MERTK: variants seen among roughly 807,000 people sequenced by gnomAD.
MERTK encodes the protein MER proto-oncogene, tyrosine kinase.
MERTK carries 69 observed loss-of-function variants against 99.3 expected under a neutral mutation model. The ratio of observed to expected loss-of-function variants is 0.70; its 90% confidence interval spans 0.57 to 0.85. The LOEUF is 0.85. Among genes scored for constraint, MERTK ranks in the 40% least tolerant of loss-of-function variants. The pLI is 0.00. For missense variants in MERTK, 1,125 were observed against 1,249.4 expected (o/e 0.90, Z 1.50); for synonymous variants, 426 against 467.6 (o/e 0.91, Z 1.15).
chr2:111,947,363 A>G (rs1684978574), intron 3 of MERTK, 31 bp from the exon 4 acceptor site: 1 of 1,612,738 alleles, frequency 6.2e-7, no homozygotes, highest in Non-Finnish European at 8.5e-7. Context: ...TCAGATCTGA[A>G]ACATTCTTTT....
At chr2:111,928,169 G>C (rs1364636138) in intron 1 of MERTK, among the ~76,000 whole-genome samples, 1 of 141,316 alleles carries the variant, frequency 7.1e-6, no homozygotes, top group African/African-American at 2.6e-5. Context: ...TTTTTTTGTT[G>C]TTAAGGCACA....
chr2:111,932,330 C>T (rs1252054481), intron 2 of MERTK, among the ~76,000 whole-genome samples: 9 of 152,072 alleles, frequency 5.9e-5, no homozygotes, highest in Admixed American at 1.3e-4. Context: ...TACAGGCACC[C>T]GCCACCATGC....
At position 111,948,042 on chromosome 2, in the gene MERTK, GA is replaced by G. The variant is rs1476482801; in HGVS notation, c.757+478del. 7.9e-5 allele frequency among the ~76,000 whole-genome samples: 12 copies of G among 152,182 alleles called. No homozygotes were observed. The South Asian group carries it at 2.3e-3, about 29-fold the overall frequency. On this transcript the variant is annotated intron_variant, in intron 4 of 18. Coordinates refer to ENST00000295408, the MANE Select transcript of MERTK (RefSeq NM_006343.3). ...TGGTCGTCTTGATTTCCATCCAAAT[GA>G]AAGTGGCCCAGTTTTAGTCCCGCAC... is the stretch of plus-strand genomic sequence containing the variant.
intron 1 of MERTK, among the ~76,000 whole-genome samples, chr2:111,904,268 A>T (rs1684096773): frequency 6.6e-6 from 1 of 152,186 alleles, no homozygotes; most frequent in Non-Finnish European, 1.5e-5. Flanking sequence ...GTTCCTGTTC[A>T]ACTTTTCCCA....
At chr2:112,008,555 G>T (rs766202825) in intron 14 of MERTK, 80 bp downstream of exon 14, 3 of 1,067,248 alleles carry the variant, frequency 2.8e-6, no homozygotes, top group Admixed American at 1.7e-5. Context: ...AATCTCTGGT[G>T]TAGATAAGTT....
intron 15 of MERTK, among the ~76,000 whole-genome samples, chr2:112,018,527 G>T (rs1260235271): frequency 6.6e-6 from 1 of 152,108 alleles, no homozygotes; most frequent in Non-Finnish European, 1.5e-5. Context: ...TTTCCAAAAT[G>T]AGTACCATTT....
chr2:111,994,549 C>A, intron 9 of MERTK, 145 bp downstream of exon 9: 1 of 1,210,022 alleles, frequency 8.3e-7, no homozygotes, highest in Non-Finnish European at 1.2e-6. Context: ...GAGGCAAAAG[C>A]AGGAGGAGTT....
intron 4 of MERTK, among the ~76,000 whole-genome samples, chr2:111,953,379 G>A (rs1685090820): frequency 6.6e-6 from 1 of 152,114 alleles, no homozygotes; most frequent in East Asian, 1.9e-4. Flanking sequence ...TTGGAAAGTG[G>A]GGCTGCTGAC....
intron 4 of MERTK, among the ~76,000 whole-genome samples, chr2:111,956,467 A>G (rs1442540995): frequency 1.1e-4 from 16 of 152,160 alleles, no homozygotes; most frequent in Non-Finnish European, 2.9e-5. Context: ...TACACATTTT[A>G]TATTTAAATC....
At chr2:111,947,004 G>A (rs1361986833) in intron 3 of MERTK, among the ~76,000 whole-genome samples, 3 of 152,344 alleles carry the variant, frequency 2.0e-5, no homozygotes, top group East Asian at 3.9e-4. Context: ...GCTGGGCGCG[G>A]TGGCACGCCT....
intron 1 of MERTK, among the ~76,000 whole-genome samples, chr2:111,923,096 A>G (rs1011761134): frequency 2.0e-5 from 3 of 152,216 alleles, no homozygotes; most frequent in Admixed American, 1.3e-4. Flanking sequence ...ACCCTTCAGG[A>G]CCTCTGCACG....
At chr2:112,003,441 G>T in intron 12 of MERTK, 1 of 369,136 alleles carries the variant, frequency 2.7e-6, no homozygotes, top group Non-Finnish European at 4.9e-6. Flanking sequence ...TCATTGAAAA[G>T]CATGTAATTC....
In MERTK at chr2:112,029,402, G is replaced by GCTCACCA; in HGVS notation, c.*538_*539insCTCACCA. On this transcript the variant is annotated 3_prime_UTR_variant, in exon 19 of 19. Transcript: ENST00000295408. Reference sequence around the variant, plus strand: ...GAACTTACTTGAGACTTGAAAGACAGTGGTCGGCAGCGGCCTTGTGGCCTT... The same window carrying GCTCACCA: ...GAACTTACTTGAGACTTGAAAGACAGCTCACCATGGTCGGCAGCGGCCTTGTGGCCTT... 1.1e-6 allele frequency: 1 copy of GCTCACCA among 904,746 alleles called. No individual in the cohort carries two copies. Among genetic ancestry groups the GCTCACCA allele is most frequent in the Non-Finnish European group, 1.3e-6 (1 of 756,388 alleles). 56.0% of individuals were successfully genotyped at this position (904,746 alleles called of 1,614,324 possible).
intron 8 of MERTK, among the ~76,000 whole-genome samples, chr2:111,985,173 G>A (rs2104743123): frequency 6.6e-6 from 1 of 152,310 alleles, no homozygotes; most frequent in Admixed American, 6.5e-5. Flanking sequence ...GACTTTGCTA[G>A]GCATGACTCC....
In MERTK at chr2:112,029,442, C is replaced by G. The variant is rs1344296159; in HGVS notation, c.*578C>G. The G allele has an allele frequency of 1.6e-6, 1 of 641,424 alleles. No homozygotes were observed. Among genetic ancestry groups the G allele is most frequent in the East Asian group, 1.4e-4 (1 of 7,320 alleles). The allele number at this position is 641,424 out of a possible 1,614,324, so 39.7% of individuals were successfully genotyped here. ...CTTGTGGCCTTTGCAAAGGAATTCCCTTAATGCCTGGTCCTTGGGGCAATT... is the reference window on the plus strand; with the variant it reads ...CTTGTGGCCTTTGCAAAGGAATTCCGTTAATGCCTGGTCCTTGGGGCAATT... On this transcript the variant is annotated 3_prime_UTR_variant, in exon 19 of 19. Transcript: ENST00000295408.
In MERTK at chr2:112,001,280, C is replaced by T. The variant is rs1338782600; in HGVS notation, c.1684C>T (p.Leu562Phe). Residue 562 changes from leucine to phenylalanine, a missense_variant, in exon 11 of 19, where the codon CTT becomes TTT. By Grantham distance (22) the Leu-to-Phe change is conservative. Coordinates refer to ENST00000295408, the MANE Select transcript of MERTK (RefSeq NM_006343.3). Reference protein sequence around the residue: ...KKSFCRRAIELTLHSLGVSEE... With the variant: ...KKSFCRRAIEFTLHSLGVSEE... ...ATCCTTCTGTCGGCGAGCCATTGAA[C>T]TTACCTGTAAGTTGACTTTCATTTC... The T allele has an allele frequency of 3.7e-6, 6 of 1,611,980 alleles. No homozygotes were observed. The highest frequency in any genetic ancestry group is 1.7e-4 in the Middle Eastern group (1 of 6,056).
chr2:111,915,186 C>G (rs1228892731), intron 1 of MERTK, among the ~76,000 whole-genome samples: 8 of 152,142 alleles, frequency 5.3e-5, no homozygotes, highest in Admixed American at 3.3e-4. Context: ...GTTATTTGTA[C>G]TATTCACTTA....
chr2:112,022,201 T>C (rs751989636), intron 17 of MERTK, 57 bp from the exon 18 acceptor site: 22 of 1,612,540 alleles, frequency 1.4e-5, no homozygotes, highest in Non-Finnish European at 1.9e-5. Context: ...AGTGAAAAAG[T>C]CCATTCAGGC....
chr2:111,991,276 A>G (rs1676609813), intron 8 of MERTK, among the ~76,000 whole-genome samples: 1 of 152,138 alleles, frequency 6.6e-6, no homozygotes, highest in Non-Finnish European at 1.5e-5. Flanking sequence ...CTCAGGCTGG[A>G]GTGTGGTGGC....
Sources: allele counts gnomAD v4.1 joint callset (sites outside exome capture counted in the v4.1 genomes callset), GRCh38; gene constraint gnomAD v4.1.1; transcripts MANE v1.5; gene names NCBI Gene and HGNC (gene_info 2026-07-23, HGNC 2026-07-21).